Variants in DNAH7 observed in about 807,000 individuals in gnomAD.
The protein encoded by DNAH7 is axonemal beta dynein heavy chain 7.
A neutral mutation model predicts 444.6 loss-of-function variants in DNAH7; 397 were observed. The observed-to-expected ratio is 0.89, with a 90% CI of 0.82 to 0.97. The LOEUF is 0.97. Ranked by LOEUF, DNAH7 falls within the 50% of genes least tolerant of loss-of-function variation. The probability of loss-of-function intolerance (pLI) is 0.00; values close to 1 mark genes in which losing one functional copy is unlikely to be tolerated. For synonymous variants in DNAH7, 1,636 were observed against 1,624.4 expected (o/e 1.01, Z -0.17); for missense variants, 4,902 against 4,800.8 (o/e 1.02, Z -0.62).
At chr2:195,758,911 C>G (rs1014128183) in intron 61 of DNAH7, among the ~76,000 whole-genome samples, 1 of 152,220 alleles carries the variant, frequency 6.6e-6, no homozygotes. Flanking sequence ...GCCTTGCCAC[C>G]ACCAGCTAAA....
chr2:195,844,227 C>G (rs1698851478), intron 47 of DNAH7, among the ~76,000 whole-genome samples: 1 of 152,174 alleles, frequency 6.6e-6, no homozygotes, highest in Non-Finnish European at 1.5e-5. Flanking sequence ...ACCATCATAT[C>G]AATTACTTTT....
intron 19 of DNAH7, among the ~76,000 whole-genome samples, chr2:195,956,524 A>C (rs1249484967): frequency 6.6e-6 from 1 of 151,896 alleles, no homozygotes; most frequent in Non-Finnish European, 1.5e-5. Context: ...GGTGGCACAC[A>C]CCTGTAATCT....
intron 19 of DNAH7, among the ~76,000 whole-genome samples, chr2:195,938,344 T>A (rs1284450235): frequency 4.5e-5 from 6 of 134,070 alleles, no homozygotes; most frequent in African/African-American, 1.1e-4. Context: ...AAATAGACAT[T>A]CACACACACA....
chr2:195,875,761 A>T lies in DNAH7; in HGVS notation c.6200T>A (p.Leu2067Ter), dbSNP rs1701014982. The change falls in exon 38 of 65, where the codon TTA (leucine) becomes TAA (stop). Residue 2067 changes from leucine (L) to a stop codon, truncating the protein, a stop_gained. Coordinates refer to ENST00000312428, the MANE Select transcript of DNAH7 (RefSeq NM_018897.3). LOFTEE classifies it high-confidence loss of function. Reference sequence around the variant, plus strand: ...TAGATCATACCAGTTCCAGTGGTCTAACCACTGTCTAAGTAACTCAATGGG... The same window carrying T: ...TAGATCATACCAGTTCCAGTGGTCTTACCACTGTCTAAGTAACTCAATGGG... ...QPPIELLRQWLDHWNWYDLKD... is the reference protein window; with the variant it reads ...QPPIELLRQW The T allele has an allele frequency of 6.2e-7, 1 of 1,613,342 alleles. No homozygotes were observed. The highest frequency in any genetic ancestry group is 1.1e-5 in the South Asian group (1 of 91,034).
intron 30 of DNAH7, 47 bp downstream of exon 30, chr2:195,894,929 G>C: frequency 2.6e-6 from 4 of 1,512,678 alleles, no homozygotes; most frequent in Non-Finnish European, 3.6e-6. Flanking sequence ...ATTCTACCTT[G>C]CACAAAGTCA....
In DNAH7 at chr2:195,882,787, G is replaced by A. The variant is rs375508347; in HGVS notation, c.5764-795C>T. Among the ~76,000 whole-genome samples, 139 of 152,084 alleles carry A rather than the reference G, an allele frequency of 9.1e-4. 3 individuals carry two copies. In the South Asian group the frequency reaches 0.028, roughly 31 times the overall value. On this transcript the variant is annotated intron_variant, in intron 35 of 64. Coordinates refer to ENST00000312428, the MANE Select transcript of DNAH7 (RefSeq NM_018897.3). ...GGTCATTCAAAGTACATCAGAATTC[G>A]GACCCATCCTTCCTTCACAACCAGG...
intron 51 of DNAH7, among the ~76,000 whole-genome samples, chr2:195,815,257 A>C (rs1475961202): frequency 6.6e-6 from 1 of 152,134 alleles, no homozygotes; most frequent in Non-Finnish European, 1.5e-5. Flanking sequence ...AAATATCATA[A>C]AGATGAATAA....
In DNAH7 at chr2:195,972,424, C is replaced by T. The variant is rs556215029; in HGVS notation, c.1876G>A (p.Glu626Lys). Residue 626 changes from glutamate (E) to lysine (K), a missense_variant, in exon 16 of 65, where the codon GAA becomes AAA. Physicochemically the swap from Glu to Lys is moderately conservative, Grantham distance 56. Transcript: ENST00000312428. ...TTTTTGGAATCCACTAATCTCTGTTCTAGTTCAATCATATCAGTTACCTCC... is the reference window on the plus strand; with the variant it reads ...TTTTTGGAATCCACTAATCTCTGTTTTAGTTCAATCATATCAGTTACCTCC... ...KVEVTDMIELEQRLVDSKNCL... is the reference protein window; with the variant it reads ...KVEVTDMIELKQRLVDSKNCL... 3.1e-6 allele frequency: 5 copies of T among 1,614,076 alleles called. No homozygotes were observed. In the African/African-American group the frequency reaches 6.7e-5, roughly 22 times the overall value.
At chr2:195,968,485 TA>T (rs1691631183) in intron 17 of DNAH7, among the ~76,000 whole-genome samples, 1 of 152,100 alleles carries the variant, frequency 6.6e-6, no homozygotes, top group Non-Finnish European at 1.5e-5. Flanking sequence ...GCTGAGCTAG[TA>T]TCCAAGATGC....
At chr2:195,890,812 T>C (rs1350495336) in intron 31 of DNAH7, among the ~76,000 whole-genome samples, 1 of 152,200 alleles carries the variant, frequency 6.6e-6, no homozygotes, top group Non-Finnish European at 1.5e-5. Flanking sequence ...ATTACCTGAC[T>C]CATGAGTCAT....
chr2:195,957,997 C>T (rs1017655296), intron 18 of DNAH7, among the ~76,000 whole-genome samples: 2 of 152,034 alleles, frequency 1.3e-5, no homozygotes, highest in African/African-American at 4.8e-5. Flanking sequence ...GTTCTTTTTC[C>T]CCCCTTAATT....
At position 195,891,699 on chromosome 2, in the gene DNAH7, C is replaced by G. The variant is rs755561713; in HGVS notation, c.5002G>C (p.Asp1668His). ...CTAAAACTGACAGCAAGGACCCCAT[C>G]AGACCATTCATGGGACACTGAATCA... Reference protein sequence around the residue: ...QFDSVSHEWSDGVLAVSFRAF... With the variant: ...QFDSVSHEWSHGVLAVSFRAF... The change falls in exon 31 of 65, where the codon GAT becomes CAT. Residue 1668 changes from aspartate (D) to histidine (H), a missense_variant. Coordinates refer to ENST00000312428, the MANE Select transcript of DNAH7 (RefSeq NM_018897.3). 15 of 1,604,638 alleles carry G rather than the reference C, an allele frequency of 9.3e-6. 1 individual carries two copies. In the South Asian group the frequency reaches 1.7e-4, roughly 18 times the overall value.
chr2:195,918,886 A>C (rs1044422179), intron 24 of DNAH7, among the ~76,000 whole-genome samples: 5 of 152,232 alleles, frequency 3.3e-5, no homozygotes, highest in African/African-American at 1.2e-4. Context: ...TAAATTGTAT[A>C]AATTGTGGAC....
At chr2:196,031,150 C>T (rs1289296576) in intron 5 of DNAH7, among the ~76,000 whole-genome samples, 1 of 152,252 alleles carries the variant, frequency 6.6e-6, no homozygotes, top group African/African-American at 2.4e-5. Flanking sequence ...CAATTCTTGA[C>T]TTCTGTGCAC....
intron 19 of DNAH7, among the ~76,000 whole-genome samples, chr2:195,941,586 A>G (rs1689451907): frequency 6.6e-6 from 1 of 152,064 alleles, no homozygotes; most frequent in Admixed American, 6.6e-5. Context: ...AAAATAATAA[A>G]AAATAAAAAA....
At chr2:196,029,533 T>C (rs945255135) in intron 5 of DNAH7, among the ~76,000 whole-genome samples, 3 of 152,064 alleles carry the variant, frequency 2.0e-5, no homozygotes, top group East Asian at 3.9e-4. Flanking sequence ...GCAATAATAA[T>C]GGCAGCTTTT....
At chr2:195,941,451 C>CAAAAAAAAAAAAAA (rs1207029040) in intron 19 of DNAH7, among the ~76,000 whole-genome samples, 3 of 56,780 alleles carry the variant, frequency 5.3e-5, no homozygotes, top group South Asian at 6.2e-4. Flanking sequence ...ACCTAGATGA[C>CAAAAAAAAAAAAAA]AAAAAAAAAA....
chr2:195,981,896 T>C (rs1692599378), intron 15 of DNAH7, among the ~76,000 whole-genome samples: 1 of 152,162 alleles, frequency 6.6e-6, no homozygotes, highest in Admixed American at 6.5e-5. Context: ...TCCAGGAACT[T>C]GGACTGGTCA....
rs770356290 is a variant in DNAH7, at chr2:195,873,640, G to T, written c.6341C>A (p.Thr2114Lys). The T allele has an allele frequency of 5.9e-6, 9 of 1,530,230 alleles. No homozygotes were observed. The highest frequency in any genetic ancestry group is 7.9e-6 in the Non-Finnish European group (9 of 1,143,278). 94.8% of individuals were successfully genotyped at this position (1,530,230 alleles called of 1,614,324 possible). A position where few individuals can be genotyped will look rare whatever the true frequency, so the allele number is the denominator to read the frequency against. ...GGATTTATCACTAAACTCATTGATTGTTATAATATTGAAATGTCGCATGTA... is the reference window on the plus strand; with the variant it reads ...GGATTTATCACTAAACTCATTGATTTTTATAATATTGAAATGTCGCATGTA... The part of the protein sequence containing the change: ...PRYMRHFNII[T>K]INEFSDKSMY... The change falls in exon 39 of 65, where the codon ACA becomes AAA. Residue 2114 changes from threonine (T) to lysine (K), a missense_variant. Coordinates refer to ENST00000312428, the MANE Select transcript of DNAH7 (RefSeq NM_018897.3).
Sources: gnomAD v4.1 joint callset for allele counts (sites outside exome capture counted in the v4.1 genomes callset) on GRCh38, gnomAD v4.1.1 for gene constraint, MANE v1.5 for transcripts, NCBI Gene and HGNC (gene_info 2026-07-23, HGNC 2026-07-21) for gene names.